The following LPCAT3 variants were observed in gnomAD, a reference collection of about 807,000 sequenced individuals.
LPCAT3 encodes lysophosphatidylcholine acyltransferase 3.
In LPCAT3, 21 loss-of-function variants were observed where a neutral mutation model predicts 63.4. That is an observed-to-expected ratio of 0.33 (90% CI 0.23 to 0.48). The LOEUF is 0.48. Among genes scored for constraint, LPCAT3 ranks in the 20% least tolerant of loss-of-function variants. The probability of loss-of-function intolerance (pLI) is 0.99; values close to 1 mark genes in which losing one functional copy is unlikely to be tolerated. For synonymous variants in LPCAT3, 242 were observed against 227.5 expected (o/e 1.06, Z -0.58); for missense variants, 451 against 590.6 (o/e 0.76, Z 2.45).
At chr12:7,010,885 T>C (rs1946758637) in intron 1 of LPCAT3, among the ~76,000 whole-genome samples, 2 of 152,186 alleles carry the variant, frequency 1.3e-5, no homozygotes, top group Admixed American at 6.5e-5. Flanking sequence ...TCATCTAGGT[T>C]GGAATGCAGT....
At position 6,990,899 on chromosome 12, in the gene LPCAT3, A is replaced by G. The variant is rs782626705; in HGVS notation, c.152-7360T>C. 2.0e-5 allele frequency among the ~76,000 whole-genome samples: 3 copies of G among 147,180 alleles called. No individual in the cohort carries two copies. The East Asian group carries it at 5.8e-4, about 29-fold the overall frequency. On this transcript the variant is annotated intron_variant, in intron 1 of 12. Transcript: ENST00000261407. Reference sequence around the variant, plus strand: ...GCCACTGTGCTCCAGACTAGGCAACAGAGCGAGACTCCAAATCAAAAAAAA... The same window carrying G: ...GCCACTGTGCTCCAGACTAGGCAACGGAGCGAGACTCCAAATCAAAAAAAA...
chr12:6,996,852 G>A (rs1946640016), intron 1 of LPCAT3, among the ~76,000 whole-genome samples: 2 of 152,270 alleles, frequency 1.3e-5, no homozygotes, highest in Middle Eastern at 3.4e-3. Flanking sequence ...AAGAGATGAC[G>A]GCATTCCAAG....
Position 6,988,919 on chromosome 12 carries a change from G to A in LPCAT3, c.152-5380C>T, listed in dbSNP as rs1555155112. The stretch of plus-strand genomic sequence containing the variant: ...AGGCAGGCGGATCACCTGAGGTCAG[G>A]AGTTTGAGACTAGCCTCAACATGGA... On this transcript the variant is annotated intron_variant, in intron 1 of 12. Transcript: ENST00000261407. 3.3e-5 allele frequency among the ~76,000 whole-genome samples: 5 copies of A among 152,220 alleles called. No homozygotes were observed. The South Asian group carries it at 1.0e-3, about 32-fold the overall frequency.
In LPCAT3 at chr12:7,018,470, C is replaced by G. The variant is rs781931936; in HGVS notation, c.-46G>C. On this transcript the variant is annotated 5_prime_UTR_variant, in exon 1 of 13. Transcript: ENST00000261407. The surrounding 1 kb of genome is among the most constrained non-coding windows in gnomAD (Gnocchi z 4.9). Reference sequence around the variant, plus strand: ...AGGGACCCCCCAGCTCCGCGCGCCCCGAATGCGGGCAAAACGCTATCGCTT... The same window carrying G: ...AGGGACCCCCCAGCTCCGCGCGCCCGGAATGCGGGCAAAACGCTATCGCTT... The G allele has an allele frequency of 1.8e-5, 27 of 1,492,958 alleles. No homozygotes were observed. The highest frequency in any genetic ancestry group is 2.2e-5 in the Non-Finnish European group (24 of 1,108,054). 92.5% of individuals were successfully genotyped at this position (1,492,958 alleles called of 1,614,324 possible).
At chr12:6,984,521 G>T (rs1946502735) in intron 1 of LPCAT3, among the ~76,000 whole-genome samples, 1 of 152,190 alleles carries the variant, frequency 6.6e-6, no homozygotes, top group African/African-American at 2.4e-5. Flanking sequence ...AAGACATTCT[G>T]CCTATTCTTT....
chr12:6,992,678 A>G (rs1565601946), intron 1 of LPCAT3, among the ~76,000 whole-genome samples: 1 of 152,162 alleles, frequency 6.6e-6, no homozygotes, highest in Non-Finnish European at 1.5e-5. Context: ...CAAATCCACT[A>G]GTCTTTCCTT....
chr12:6,997,379 A>ATGTGTGTGTGTGTGTGTGTGTGTG (rs201579525), intron 1 of LPCAT3: 2 of 114,046 alleles, frequency 1.8e-5, no homozygotes, highest in Non-Finnish European at 1.8e-5. Flanking sequence ...ACAGCAAATT[A>ATGTGTGTGTGTGTGTGTGTGTGTG]TGTGTGTGTG....
intron 6 of LPCAT3, chr12:6,979,910 T>C: frequency 3.9e-6 from 1 of 258,086 alleles, no homozygotes; most frequent in Non-Finnish European, 7.3e-6. Flanking sequence ...CCAGTGGAGG[T>C]AAGATAATAA....
chr12:7,015,161 A>G (rs1946789891), intron 1 of LPCAT3, among the ~76,000 whole-genome samples: 1 of 152,272 alleles, frequency 6.6e-6, no homozygotes, highest in African/African-American at 2.4e-5. Context: ...ATCAGCACAC[A>G]GAACTGAAGT....
Position 6,987,905 on chromosome 12 carries a change from C to A in LPCAT3, c.152-4366G>T. ...GTCCTGAGTTCTGAGTTCTTGTGTCCACTTCTTATAGCCTGTCTGTCCCTT... is the reference window on the plus strand; with the variant it reads ...GTCCTGAGTTCTGAGTTCTTGTGTCAACTTCTTATAGCCTGTCTGTCCCTT... On this transcript the variant is annotated intron_variant, in intron 1 of 12. Coordinates refer to ENST00000261407, the MANE Select transcript of LPCAT3 (RefSeq NM_005768.6). This position sits in a 1 kb window ranked among gnomAD's most constrained non-coding sequence, Gnocchi z 4.1. 2.5e-6 allele frequency: 1 copy of A among 400,392 alleles called. No homozygotes were observed. Among genetic ancestry groups the A allele is most frequent in the South Asian group, 1.3e-4 (1 of 7,900 alleles). The allele number at this position is 400,392 out of a possible 1,614,324, so 24.8% of individuals were successfully genotyped here.
At position 6,983,470 on chromosome 12, in the gene LPCAT3, TG is replaced by T. The variant is rs782123931; in HGVS notation, c.220del (p.His74IlefsTer33). 6.2e-7 allele frequency: 1 copy of T among 1,612,774 alleles called. No individual in the cohort carries two copies. Among genetic ancestry groups the T allele is most frequent in the Non-Finnish European group, 8.5e-7 (1 of 1,178,932 alleles). ...YKETYLIHLF[H>X]TFTGLSIAYF... The stretch of plus-strand genomic sequence containing the variant: ...AGCAATTGAGAGGCCTGTAAAGGTA[TG>T]GAAGAGGTGGATGAGGTAGGTCTCC... On this transcript the variant is annotated frameshift_variant, in exon 2 of 13. Coordinates refer to ENST00000261407, the MANE Select transcript of LPCAT3 (RefSeq NM_005768.6). LOFTEE classifies it high-confidence loss of function.
intron 1 of LPCAT3, among the ~76,000 whole-genome samples, chr12:7,006,852 T>C (rs1430429166): frequency 1.3e-5 from 2 of 152,166 alleles, no homozygotes; most frequent in African/African-American, 4.8e-5. Context: ...TCCAAGTCCA[T>C]CTGAGTTTAG....
intron 1 of LPCAT3, among the ~76,000 whole-genome samples, chr12:6,986,388 A>G (rs1565599932): frequency 6.6e-6 from 1 of 152,204 alleles, no homozygotes; most frequent in Non-Finnish European, 1.5e-5. Context: ...ACTTTATGGT[A>G]AGAAATACAT....
chr12:6,983,099 G>A (rs1555154358), intron 2 of LPCAT3: 1 of 510,708 alleles, frequency 2.0e-6, no homozygotes, highest in South Asian at 1.7e-5. Context: ...GCTTGTTACT[G>A]TATTTTTGAA....
chr12:7,008,789 CCTT>C (rs1450108334), intron 1 of LPCAT3, among the ~76,000 whole-genome samples: 1 of 151,842 alleles, frequency 6.6e-6, no homozygotes, highest in African/African-American at 2.4e-5. Flanking sequence ...CTGTATCTAA[CCTT>C]CTTATCAAAA....
chr12:6,996,306 A>C (rs1946635531), intron 1 of LPCAT3, among the ~76,000 whole-genome samples: 1 of 152,148 alleles, frequency 6.6e-6, no homozygotes, highest in South Asian at 2.1e-4. Flanking sequence ...GTAAAATGTC[A>C]CCATAAGTAT....
At chr12:6,998,407 G>A (rs782383187) in intron 1 of LPCAT3, among the ~76,000 whole-genome samples, 18 of 152,168 alleles carry the variant, frequency 1.2e-4, no homozygotes, top group Admixed American at 3.3e-4. Flanking sequence ...CCAATCAGCT[G>A]GATCAGTCTT....
At chr12:6,990,526 AAAAT>A (rs59048377) in intron 1 of LPCAT3, among the ~76,000 whole-genome samples, 10,706 of 144,434 alleles carry the variant, frequency 0.074, 488 homozygotes, top group African/African-American at 0.12. Context: ...AAATTAAAAT[AAAAT>A]AAATAAATAA....
Position 6,981,033 on chromosome 12 carries a change from C to T in LPCAT3, c.648G>A (p.Leu216=), listed in dbSNP as rs1555153991. The change falls in exon 6 of 13, where the codon CTG becomes CTA. Residue 216 remains leucine (L), a synonymous_variant. Transcript: ENST00000261407. The stretch of plus-strand genomic sequence containing the variant: ...TTGGTATCTTTCCTGGTATGTCAAT[C>T]AGCTCTCCCTGCACCAGCTTCATGT... The part of the protein sequence containing the change: ...NHYMKLVQGE[L]IDIPGKIPNS... The T allele has an allele frequency of 6.2e-7, 1 of 1,603,790 alleles. No homozygotes were observed. Among genetic ancestry groups the T allele is most frequent in the Non-Finnish European group, 8.5e-7 (1 of 1,176,252 alleles).
Sources: gnomAD v4.1 joint callset for allele counts (sites outside exome capture counted in the v4.1 genomes callset) on GRCh38, gnomAD v4.1.1 for gene constraint, Gnocchi (gnomAD v3.1) non-coding constraint, MANE v1.5 for transcripts, NCBI Gene and HGNC (gene_info 2026-07-23, HGNC 2026-07-21) for gene names.